The following DLEU7 variants were observed in gnomAD, a reference collection of about 807,000 sequenced individuals.
The protein encoded by DLEU7 is deleted in lymphocytic leukemia 7, also known as leukemia-associated protein 7.
A neutral mutation model predicts 16.0 loss-of-function variants in DLEU7; 17 were observed. That is an observed-to-expected ratio of 1.06 (90% confidence interval 0.73 to 1.59). The LOEUF (loss-of-function observed/expected upper bound fraction) is 1.59, where lower values mean the gene tolerates loss of function less well. DLEU7 is among the 40% of genes most tolerant of loss of function. The pLI, the probability that DLEU7 is intolerant of heterozygous loss-of-function variation, is 0.00. For synonymous variants in DLEU7, 113 were observed against 139.8 expected, an observed-to-expected ratio of 0.81 and a Z score of 1.35; for missense variants, 308 against 314.9, an observed-to-expected ratio of 0.98 and a Z score of 0.17.
intron 1 of DLEU7, among the ~76,000 whole-genome samples, chr13:50,772,911 T>C (rs1290403711): frequency 1.3e-5 from 2 of 152,184 alleles, no homozygotes; most frequent in East Asian, 3.8e-4. Flanking sequence ...ACCAATCAAA[T>C]GTAGATTTGG....
intron 1 of DLEU7, among the ~76,000 whole-genome samples, chr13:50,742,232 T>G (rs1291295802): frequency 1.3e-5 from 2 of 152,074 alleles, no homozygotes; most frequent in Admixed American, 1.3e-4. Context: ...TCCAATTTTC[T>G]GAAAAAAAGG....
chr13:50,796,811 G>C (rs1328529883), intron 1 of DLEU7, among the ~76,000 whole-genome samples: 4 of 152,118 alleles, frequency 2.6e-5, no homozygotes, highest in Non-Finnish European at 5.9e-5. Context: ...AATAAGAGCA[G>C]AGGCATCAGA....
intron 1 of DLEU7, among the ~76,000 whole-genome samples, chr13:50,753,617 C>T (rs1316351229): frequency 6.6e-6 from 1 of 152,204 alleles, no homozygotes; most frequent in African/African-American, 2.4e-5. Flanking sequence ...GTCCCCCGAG[C>T]CCACGCCCAC....
In DLEU7 at chr13:50,724,498, C is replaced by G. The variant is rs1315319916; in HGVS notation, c.460-11258G>C. On this transcript the variant is annotated intron_variant, in intron 1 of 1. Transcript: ENST00000400393. ...CACAGCTCCTCTTCCTCTTTTCCTA[C>G]GGATGAAATCTGGCAGGCAAAAAAA... Among the ~76,000 whole-genome samples the G allele has an allele frequency of 2.0e-5, 3 of 151,738 alleles. No homozygotes were observed. The South Asian group carries it at 6.2e-4, about 32-fold the overall frequency.
chr13:50,816,818 T>G (rs1327285125), intron 1 of DLEU7, among the ~76,000 whole-genome samples: 1 of 152,060 alleles, frequency 6.6e-6, no homozygotes, highest in African/African-American at 2.4e-5. Context: ...TCCCACTGCT[T>G]TCTTCATGTT....
At chr13:50,719,988 A>T (rs748078625) in intron 1 of DLEU7, among the ~76,000 whole-genome samples, 1 of 152,184 alleles carries the variant, frequency 6.6e-6, no homozygotes, top group Non-Finnish European at 1.5e-5. Context: ...ATTGTAGAAG[A>T]ATATCTGTTG....
In DLEU7 at chr13:50,741,481, T is replaced by C. The variant is rs554219065; in HGVS notation, c.460-28241A>G. On this transcript the variant is annotated intron_variant, in intron 1 of 1. Transcript: ENST00000400393. ...TGCAATTCATCAAGCTTTCCTACTC[T>C]GACCAGGGGAGTTCTTATACAAAAA... Among the ~76,000 whole-genome samples the C allele has an allele frequency of 9.2e-5, 14 of 152,324 alleles. No individual in the cohort carries two copies. The East Asian group carries it at 2.5e-3, about 27-fold the overall frequency.
At chr13:50,725,805 C>T (rs1440628482) in intron 1 of DLEU7, among the ~76,000 whole-genome samples, 1 of 151,816 alleles carries the variant, frequency 6.6e-6, no homozygotes, top group African/African-American at 2.4e-5. Context: ...TTCTGTACTA[C>T]ATCAACCAGT....
At chr13:50,825,358 G>T (rs763073554) in intron 1 of DLEU7, among the ~76,000 whole-genome samples, 21 of 152,084 alleles carry the variant, frequency 1.4e-4, no homozygotes, top group Non-Finnish European at 1.5e-4. Context: ...ACTTTGAAAA[G>T]AAACTAATTT....
chr13:50,842,001 G>A (rs1051831597), intron 1 of DLEU7, among the ~76,000 whole-genome samples: 1 of 151,736 alleles, frequency 6.6e-6, no homozygotes, highest in African/African-American at 2.4e-5. Context: ...AACTTGCGGC[G>A]AGGAATATGC....
At chr13:50,720,741 C>T (rs1323888) in intron 1 of DLEU7, among the ~76,000 whole-genome samples, 150,270 of 152,316 alleles carry the variant, frequency 0.99, 74,129 homozygotes, top group East Asian at 1. Context: ...ACATGATAAA[C>T]TTTTTAAGAT....
intron 1 of DLEU7, among the ~76,000 whole-genome samples, chr13:50,797,171 G>A (rs1343058872): frequency 6.6e-6 from 1 of 152,098 alleles, no homozygotes; most frequent in Non-Finnish European, 1.5e-5. Flanking sequence ...AGTGCAGAGA[G>A]TAGGTCTAGA....
intron 1 of DLEU7, among the ~76,000 whole-genome samples, chr13:50,722,785 T>C (rs1042952324): frequency 1.3e-5 from 2 of 152,214 alleles, no homozygotes; most frequent in East Asian, 3.8e-4. Context: ...ATTAAACTTA[T>C]TTTGAGATGA....
At chr13:50,836,693 A>C (rs1877478246) in intron 1 of DLEU7, among the ~76,000 whole-genome samples, 1 of 152,006 alleles carries the variant, frequency 6.6e-6, no homozygotes, top group Non-Finnish European at 1.5e-5. Flanking sequence ...AAAAAAGGAA[A>C]GAAAAAAAGA....
chr13:50,817,138 A>T (rs1279746788), intron 1 of DLEU7, among the ~76,000 whole-genome samples: 4 of 152,156 alleles, frequency 2.6e-5, no homozygotes, highest in Non-Finnish European at 5.9e-5. Context: ...AAAAGAAAAT[A>T]AAGCCGTGAT....
At chr13:50,838,587 T>C (rs1449724031) in intron 1 of DLEU7, among the ~76,000 whole-genome samples, 1 of 152,182 alleles carries the variant, frequency 6.6e-6, no homozygotes, top group East Asian at 1.9e-4. Flanking sequence ...GTATTACTAG[T>C]TTGATAGTGA....
intron 1 of DLEU7, among the ~76,000 whole-genome samples, chr13:50,782,942 C>T (rs1002366807): frequency 2.0e-5 from 3 of 152,214 alleles, no homozygotes; most frequent in Non-Finnish European, 4.4e-5. Context: ...AAGACAGTTT[C>T]CCACTTCAAA....
rs573781527 is a variant in DLEU7, at chr13:50,832,655, C to G, written c.460-9135G>C. 1.1e-3 allele frequency among the ~76,000 whole-genome samples: 161 copies of G among 152,272 alleles called. 1 individual carries two copies. Among genetic ancestry groups the G allele is most frequent in the African/African-American group, 3.6e-3 (150 of 41,572 alleles). ...TTCCCTCTAAACACTACTTTAGCTG[C>G]GTCCCAGAGATTCTGGTACATTGTA... On this transcript the variant is annotated intron_variant, in intron 1 of 1. Transcript: ENST00000504404.
At chr13:50,799,642 A>C (rs1876195620) in intron 1 of DLEU7, among the ~76,000 whole-genome samples, 1 of 152,192 alleles carries the variant, frequency 6.6e-6, no homozygotes, top group Non-Finnish European at 1.5e-5. Flanking sequence ...CACATGCAGA[A>C]ACTTAGTGGG....
Sources: allele counts gnomAD v4.1 joint callset (sites outside exome capture counted in the v4.1 genomes callset), GRCh38; gene constraint gnomAD v4.1.1; transcripts MANE v1.5; gene names NCBI Gene and HGNC (gene_info 2026-07-23, HGNC 2026-07-21).